Variants in RAB11FIP4 observed in about 807,000 individuals in gnomAD.
RAB11FIP4 encodes the protein rab11 family-interacting protein 4.
Under a neutral mutation model 74.3 loss-of-function variants are expected in RAB11FIP4, and 23 were observed. That is an observed-to-expected ratio of 0.31 (90% CI 0.22 to 0.44). The LOEUF (loss-of-function observed/expected upper bound fraction) is 0.44, where lower values mean the gene tolerates loss of function less well. Among genes scored for constraint, RAB11FIP4 ranks in the 20% least tolerant of loss-of-function variants. RAB11FIP4 has a pLI of 1.00. For synonymous variants in RAB11FIP4, 360 were observed against 359.9 expected (o/e 1.00, Z 0.00); for missense variants, 630 against 863.9 (o/e 0.73, Z 3.39).
At chr17:31,454,290 T>C (rs1305293011) in intron 3 of RAB11FIP4, among the ~76,000 whole-genome samples, 1 of 152,174 alleles carries the variant, frequency 6.6e-6, no homozygotes, top group Non-Finnish European at 1.5e-5. Context: ...TCTTTTCTTT[T>C]TGAGATGGAG....
intron 3 of RAB11FIP4, among the ~76,000 whole-genome samples, chr17:31,506,903 T>C (rs1026062583): frequency 1.3e-5 from 2 of 152,200 alleles, no homozygotes; most frequent in Non-Finnish European, 2.9e-5. Context: ...GTATACCTAG[T>C]AGATGAATTG....
At chr17:31,503,137 A>G (rs1189870778) in intron 3 of RAB11FIP4, among the ~76,000 whole-genome samples, 5 of 152,076 alleles carry the variant, frequency 3.3e-5, no homozygotes. Flanking sequence ...GGTTCAAGTG[A>G]TTCTCCTGCC....
At chr17:31,521,868 A>G (rs1257728434) in intron 5 of RAB11FIP4, 47 bp from the exon 6 acceptor site, 1 of 1,611,648 alleles carries the variant, frequency 6.2e-7, no homozygotes, top group African/African-American at 1.3e-5. Context: ...GTAGGGCACC[A>G]GACTGGACAG....
chr17:31,528,680 C>T lies in RAB11FIP4; in HGVS notation c.1555C>T (p.Arg519Trp), dbSNP rs150589311. 3.2e-5 allele frequency: 52 copies of T among 1,612,740 alleles called. No individual in the cohort carries two copies. Among genetic ancestry groups the T allele is most frequent in the African/African-American group, 5.3e-5 (4 of 74,930 alleles). The change falls in exon 13 of 15, where the codon CGG becomes TGG. Residue 519 changes from arginine to tryptophan, a missense_variant. By Grantham distance (101) the Arg-to-Trp change is moderately radical. Transcript: ENST00000621161. ...HLQMYKLDCE[R>W]PGRGRSASSG... ...GCAGATGTACAAGCTGGACTGCGAG[C>T]GGCCAGGCAGGGGCCGCAGTGCCTC...
intron 3 of RAB11FIP4, among the ~76,000 whole-genome samples, chr17:31,513,161 C>T (rs938460784): frequency 2.0e-5 from 3 of 152,156 alleles, no homozygotes; most frequent in Non-Finnish European, 4.4e-5. Context: ...GTATGCTCAA[C>T]AGGGGGCTCC....
chr17:31,431,900 G>A lies in RAB11FIP4; in HGVS notation c.247G>A (p.Gly83Arg). Residue 83 changes from glycine (G) to arginine (R), a missense_variant and splice_region_variant, in exon 2 of 15, where the codon GGG becomes AGG. By Grantham distance (125) the Gly-to-Arg change is moderately radical. Transcript: ENST00000621161. ...DFCRGVFAMK[G>R]CEELLKDVLS... Reference sequence around the variant, plus strand: ...TTGCCGGGGGGTGTTCGCCATGAAAGGTGAGGTCTTCCCGGGAGGCTTTCC... The same window carrying A: ...TTGCCGGGGGGTGTTCGCCATGAAAAGTGAGGTCTTCCCGGGAGGCTTTCC... 6.2e-7 allele frequency: 1 copy of A among 1,610,706 alleles called. No individual in the cohort carries two copies.
chr17:31,445,559 TATATATATATATATATATA>T (rs1205821247), intron 3 of RAB11FIP4, among the ~76,000 whole-genome samples: 8 of 12,734 alleles, frequency 6.3e-4, no homozygotes, highest in South Asian at 4.3e-3. Flanking sequence ...TATATATATA[TATATATATATATATATATA>T]TTTTTTTTTT....
intron 3 of RAB11FIP4, among the ~76,000 whole-genome samples, chr17:31,469,166 A>G (rs1422482298): frequency 6.6e-6 from 1 of 152,210 alleles, no homozygotes; most frequent in Non-Finnish European, 1.5e-5. Flanking sequence ...TGCACCTGAC[A>G]CATGCATTCA....
intron 3 of RAB11FIP4, among the ~76,000 whole-genome samples, chr17:31,476,369 G>A (rs192923096): frequency 3.9e-4 from 60 of 152,006 alleles, no homozygotes; most frequent in Non-Finnish European, 7.2e-4. Flanking sequence ...ATTTTTAGTA[G>A]AGACGGGATT....
intron 1 of RAB11FIP4, among the ~76,000 whole-genome samples, chr17:31,408,551 C>G (rs1251080545): frequency 6.6e-6 from 1 of 152,176 alleles, no homozygotes; most frequent in Non-Finnish European, 1.5e-5. Flanking sequence ...AATCTCACCA[C>G]TGGTATGAAT....
At chr17:31,456,876 T>G (rs913149757) in intron 3 of RAB11FIP4, among the ~76,000 whole-genome samples, 2 of 152,096 alleles carry the variant, frequency 1.3e-5, no homozygotes, top group African/African-American at 4.8e-5. Flanking sequence ...ACTATTCCAA[T>G]GGAAGCGGGA....
At chr17:31,488,668 G>C (rs1347864238) in intron 3 of RAB11FIP4, among the ~76,000 whole-genome samples, 3 of 152,226 alleles carry the variant, frequency 2.0e-5, no homozygotes, top group Admixed American at 1.3e-4. Context: ...GCTCTTGGCG[G>C]CTGCACAGAG....
chr17:31,477,592 T>C (rs764976033), intron 3 of RAB11FIP4, among the ~76,000 whole-genome samples: 39 of 152,330 alleles, frequency 2.6e-4, no homozygotes, highest in Middle Eastern at 6.8e-3. Context: ...TTGTTCTTCC[T>C]TGGTCTCTGG....
At chr17:31,443,421 C>T (rs893112599) in intron 3 of RAB11FIP4, among the ~76,000 whole-genome samples, 24 of 152,088 alleles carry the variant, frequency 1.6e-4, no homozygotes, top group African/African-American at 5.3e-4. Context: ...AATGCTTTCC[C>T]GCCCAAGATT....
intron 3 of RAB11FIP4, among the ~76,000 whole-genome samples, chr17:31,513,800 G>T (rs73988082): frequency 0.018 from 2,767 of 152,224 alleles, 69 homozygotes; most frequent in African/African-American, 0.062. Context: ...GAGTGTGTGC[G>T]CATGTGTGGC....
intron 3 of RAB11FIP4, among the ~76,000 whole-genome samples, chr17:31,459,976 G>C (rs1227057413): frequency 1.3e-5 from 2 of 152,186 alleles, no homozygotes; most frequent in Non-Finnish European, 2.9e-5. Context: ...CAGTGCTCCT[G>C]CCTGCCTTGC....
intron 1 of RAB11FIP4, among the ~76,000 whole-genome samples, chr17:31,409,248 C>T (rs1217030730): frequency 6.6e-6 from 1 of 152,112 alleles, no homozygotes; most frequent in African/African-American, 2.4e-5. Context: ...AGGTTTAGGT[C>T]AATATTCTTT....
intron 2 of RAB11FIP4, 86 bp from the exon 3 acceptor site, chr17:31,433,948 C>A: frequency 7.5e-7 from 1 of 1,333,290 alleles, no homozygotes; most frequent in Non-Finnish European, 1.0e-6. Flanking sequence ...CCCTTCCCAC[C>A]CTATGCCCAT....
intron 3 of RAB11FIP4, among the ~76,000 whole-genome samples, chr17:31,453,839 G>A (rs888482020): frequency 1.3e-5 from 2 of 151,478 alleles, no homozygotes; most frequent in East Asian, 1.9e-4. Flanking sequence ...AAAGTGCATG[G>A]AAGGCTCTCC....
Sources: gnomAD v4.1 joint callset for allele counts (sites outside exome capture counted in the v4.1 genomes callset) on GRCh38, gnomAD v4.1.1 for gene constraint, MANE v1.5 for transcripts, NCBI Gene and HGNC (gene_info 2026-07-23, HGNC 2026-07-21) for gene names.